Variants in WIPF1 observed in about 807,000 individuals in gnomAD.
WIPF1 encodes the protein WAS/WASL-interacting protein family member 1.
WIPF1 carries 13 observed loss-of-function variants against 35.4 expected under a neutral mutation model. The observed-to-expected ratio is 0.37, with a 90% CI of 0.24 to 0.58. WIPF1 has a LOEUF of 0.58. WIPF1 is among the 20% of genes least tolerant of loss of function. The pLI, the probability that WIPF1 is intolerant of heterozygous loss-of-function variation, is 0.74. For missense variants in WIPF1, 591 were observed against 667.0 expected, an observed-to-expected ratio of 0.89 and a Z score of 1.25; for synonymous variants, 267 against 266.3, an observed-to-expected ratio of 1.00 and a Z score of -0.02.
intron 1 of WIPF1, among the ~76,000 whole-genome samples, chr2:174,610,530 G>A (rs1437581200): frequency 1.3e-5 from 2 of 152,000 alleles, no homozygotes; most frequent in African/African-American, 2.4e-5. Context: ...ACACCCTCAG[G>A]AAGATAAATG....
chr2:174,676,900 C>A lies in WIPF1; in HGVS notation c.-39+5874G>T, dbSNP rs575602309. 6.0e-4 allele frequency: 92 copies of A among 152,228 alleles called. 1 individual carries two copies. The highest frequency in any genetic ancestry group is 1.4e-3 in the East Asian group (7 of 5,182). 9.4% of individuals were successfully genotyped at this position (152,228 alleles called of 1,614,324 possible). A position where few individuals can be genotyped will look rare whatever the true frequency, so the allele number is the denominator to read the frequency against. ...CATTGTGGCCAGGTATAATGGCTCA[C>A]ACCTGTAATCCCAGCCCTTTGGGAG... On this transcript the variant is annotated intron_variant, in intron 1 of 8. Coordinates refer to the WIPF1 transcript ENST00000272746.
upstream of WIPF1, among the ~76,000 whole-genome samples, chr2:174,601,771 C>A (rs1227548070): frequency 6.6e-6 from 1 of 152,268 alleles, no homozygotes; most frequent in Non-Finnish European, 1.5e-5. Context: ...TCAAAGTCTA[C>A]ATCACCACTT....
At chr2:174,566,693 A>AG (rs1684669883) in intron 7 of WIPF1, 1 of 172,848 alleles carries the variant, frequency 5.8e-6, no homozygotes, top group South Asian at 1.6e-4. Flanking sequence ...AGGCAGTTAA[A>AG]GGGAGTTTTT....
At position 174,578,887 on chromosome 2, in the gene WIPF1, C is replaced by T. The variant is rs138762248; in HGVS notation, c.181+2423G>A. 2.5e-3 allele frequency among the ~76,000 whole-genome samples: 381 copies of T among 152,296 alleles called. 2 individuals carry two copies. The highest frequency in any genetic ancestry group is 8.6e-3 in the African/African-American group (357 of 41,568). ...AATTTAAAAATTTTGCTATTAACAT[C>T]GCCCTTGTCATTCAAACACTATTCA... is the stretch of plus-strand genomic sequence containing the variant. On this transcript the variant is annotated intron_variant, in intron 3 of 7. Transcript: ENST00000679041.
At chr2:174,602,620 T>G (rs191816765), upstream of WIPF1, among the ~76,000 whole-genome samples, 112 of 152,364 alleles carry the variant, frequency 7.4e-4, no homozygotes, top group African/African-American at 2.4e-3. Context: ...TGGGAATTAT[T>G]TGATTTAAAA....
At position 174,572,265 on chromosome 2, in the gene WIPF1, A is replaced by G; in HGVS notation, c.540T>C (p.Pro180=). 1.9e-6 allele frequency: 3 copies of G among 1,614,102 alleles called. No homozygotes were observed. Among genetic ancestry groups the G allele is most frequent in the Non-Finnish European group, 1.7e-6 (2 of 1,180,014 alleles). ...PPPRPDVGSK[P]DSIPPPVPST... is the part of the protein sequence containing the mutation. Reference sequence around the variant, plus strand: ...TAGGTACTGGAGGAGGAATGCTATCAGGCTTTGAGCCCACGTCGGGCCTTG... The same window carrying G: ...TAGGTACTGGAGGAGGAATGCTATCGGGCTTTGAGCCCACGTCGGGCCTTG... The change falls in exon 5 of 8, where the codon CCT becomes CCC. Residue 180 remains proline (P), a synonymous_variant. Transcript: ENST00000679041.
rs765734549 is a variant in WIPF1, at chr2:174,567,849, A to G, written c.1342+12T>C. ...CTGCCCTATAGCCCAGGGAGCTGGG[A>G]CCACACCTCACCTTCACATGGAGAG... is the stretch of plus-strand genomic sequence containing the variant. On this transcript the variant is annotated intron_variant, in intron 6 of 7. Transcript: ENST00000679041. 3 of 1,559,748 alleles carry G rather than the reference A, an allele frequency of 1.9e-6. No individual in the cohort carries two copies. Among genetic ancestry groups the G allele is most frequent in the Non-Finnish European group, 2.6e-6 (3 of 1,151,670 alleles).
intron 1 of WIPF1, among the ~76,000 whole-genome samples, chr2:174,640,057 G>T (rs1687265743): frequency 6.6e-6 from 1 of 152,002 alleles, no homozygotes; most frequent in Non-Finnish European, 1.5e-5. Context: ...CCAAAAAACT[G>T]TAAGTACAAA....
chr2:174,594,680 CTCTCTCTCTT>C lies in WIPF1; in HGVS notation c.-39+2911_-39+2920del, dbSNP rs796723844. Among the ~76,000 whole-genome samples the C allele has an allele frequency of 2.3e-4, 30 of 130,296 alleles. 5 individuals are homozygous for C. The highest frequency in any genetic ancestry group is 7.0e-4 in the African/African-American group (25 of 35,710). 85.5% of individuals were successfully genotyped at this position (130,296 alleles called of 152,430 possible). A position where few individuals can be genotyped will look rare whatever the true frequency, so the allele number is the denominator to read the frequency against. On this transcript the variant is annotated intron_variant, in intron 1 of 7. Transcript: ENST00000679041. ...AGGATTAAGATGTGCCACTGTTTCT[CTCTCTCTCTT>C]TCTCTCTCTCTCTCTCTCACACACA...
At chr2:174,579,612 A>G (rs1685172534) in intron 3 of WIPF1, among the ~76,000 whole-genome samples, 2 of 152,228 alleles carry the variant, frequency 1.3e-5, no homozygotes, top group Non-Finnish European at 2.9e-5. Context: ...GCACATTATT[A>G]AACATCATGG....
rs1238038558 is a variant in WIPF1 at position 174,576,530 on chromosome 2, A to ATAG, written c.182-1153_182-1151dup. Among the ~76,000 whole-genome samples, 8 of 152,346 alleles carry ATAG rather than the reference A, an allele frequency of 5.3e-5. No individual in the cohort carries two copies. The East Asian group carries it at 1.5e-3, about 29-fold the overall frequency. On this transcript the variant is annotated intron_variant, in intron 3 of 7. Transcript: ENST00000679041. ...TAATTTTTTAATATCATGAAGCCCA[A>ATAG]TAGTAGGCTTTAGTAATTTAAACAT... is the stretch of plus-strand genomic sequence containing the variant.
At chr2:174,625,743 C>G (rs1038004134) in intron 1 of WIPF1, 2 of 152,148 alleles carry the variant, frequency 1.3e-5, no homozygotes, top group African/African-American at 4.8e-5. Context: ...AAATAAGATG[C>G]TTTTTGCTTT....
chr2:174,671,843 A>T (rs564559422), intron 1 of WIPF1, among the ~76,000 whole-genome samples: 1 of 152,178 alleles, frequency 6.6e-6, no homozygotes, highest in Non-Finnish European at 1.5e-5. Context: ...GTTATCAATG[A>T]CAATGCGTGC....
Position 174,594,684 on chromosome 2 carries a change from C to T in WIPF1, c.-39+2917G>A, listed in dbSNP as rs9752197. On this transcript the variant is annotated intron_variant, in intron 1 of 7. Transcript: ENST00000679041. ...TTAAGATGTGCCACTGTTTCTCTCT[C>T]TCTCTTTCTCTCTCTCTCTCTCTCA... is the stretch of plus-strand genomic sequence containing the variant. Among the ~76,000 whole-genome samples the T allele has an allele frequency of 3.6e-5, 3 of 84,152 alleles. 1 individual carries two copies. The highest frequency in any genetic ancestry group is 3.9e-4 in the South Asian group (1 of 2,534). The allele number at this position is 84,152 out of a possible 152,430, so 55.2% of individuals were successfully genotyped here. A position where few individuals can be genotyped will look rare whatever the true frequency, so the allele number is the denominator to read the frequency against.
intron 7 of WIPF1, among the ~76,000 whole-genome samples, chr2:174,564,927 C>T (rs1458038656): frequency 1.4e-5 from 2 of 147,482 alleles, no homozygotes; most frequent in Non-Finnish European, 3.0e-5. Context: ...GATGGAGTTT[C>T]GCTCTCGTTG....
intron 1 of WIPF1, among the ~76,000 whole-genome samples, chr2:174,640,184 A>G (rs1687268379): frequency 6.6e-6 from 1 of 152,082 alleles, no homozygotes; most frequent in Non-Finnish European, 1.5e-5. Context: ...TCTATTTACA[A>G]TAGCTACAAA....
At chr2:174,575,014 T>G in intron 4 of WIPF1, 190 bp downstream of exon 4, 1 of 841,944 alleles carries the variant, frequency 1.2e-6, no homozygotes, top group Non-Finnish European at 2.1e-6. Flanking sequence ...CATAGTTCTG[T>G]GTAGCTGTCT....
intron 1 of WIPF1, among the ~76,000 whole-genome samples, chr2:174,617,291 G>A (rs1307392059): frequency 6.6e-6 from 1 of 152,004 alleles, no homozygotes; most frequent in East Asian, 1.9e-4. Context: ...ATAACCTTTT[G>A]GGCTGCTCTG....
chr2:174,581,051 A>G, intron 3 of WIPF1: 1 of 262,374 alleles, frequency 3.8e-6, no homozygotes, highest in Non-Finnish European at 7.2e-6. Context: ...AATCTCCAGA[A>G]AGTGTTGTGA....
Sources: gnomAD v4.1 joint callset for allele counts (sites outside exome capture counted in the v4.1 genomes callset) on GRCh38, gnomAD v4.1.1 for gene constraint, MANE v1.5 for transcripts, NCBI Gene and HGNC (gene_info 2026-07-23, HGNC 2026-07-21) for gene names.